The following QKI variants were observed in gnomAD, a reference collection of about 807,000 sequenced individuals.
QKI encodes KH domain-containing RNA-binding protein QKI.
A neutral mutation model predicts 39.0 loss-of-function variants in QKI; 10 were observed. The observed-to-expected ratio is 0.26, with a 90% CI of 0.16 to 0.43. QKI has a LOEUF of 0.43. Ranked by LOEUF, QKI falls within the 20% of genes least tolerant of loss-of-function variation. The probability of loss-of-function intolerance (pLI) is 1.00; values close to 1 mark genes in which losing one functional copy is unlikely to be tolerated. For synonymous variants in QKI, 204 were observed against 155.4 expected (o/e 1.31, Z -2.33); for missense variants, 218 against 428.0 (o/e 0.51, Z 4.33).
intron 1 of QKI, among the ~76,000 whole-genome samples, chr6:163,435,612 T>TTA (rs1789201448): frequency 6.6e-6 from 1 of 152,212 alleles, no homozygotes; most frequent in Admixed American, 6.5e-5. Flanking sequence ...ATTAAAGCCT[T>TTA]TAGCACATGC....
At chr6:163,495,444 G>A (rs965940714) in intron 3 of QKI, among the ~76,000 whole-genome samples, 9 of 152,040 alleles carry the variant, frequency 5.9e-5, no homozygotes, top group East Asian at 3.9e-4. Flanking sequence ...AATTATTACC[G>A]TTTGCTGAAT....
At chr6:163,465,783 A>G (rs1000941917) in intron 2 of QKI, among the ~76,000 whole-genome samples, 4 of 152,150 alleles carry the variant, frequency 2.6e-5, no homozygotes, top group African/African-American at 9.7e-5. Flanking sequence ...AAATCAACAT[A>G]CAAAAATCAG....
chr6:163,548,196 G>A (rs1410521385), intron 4 of QKI, among the ~76,000 whole-genome samples: 1 of 152,094 alleles, frequency 6.6e-6, no homozygotes, highest in Non-Finnish European at 1.5e-5. Flanking sequence ...TTATCCCCTT[G>A]CCCCTGACTG....
intron 3 of QKI, among the ~76,000 whole-genome samples, chr6:163,494,753 T>C (rs1330023257): frequency 1.3e-5 from 2 of 151,978 alleles, no homozygotes; most frequent in African/African-American, 4.8e-5. Flanking sequence ...AGCATAGTGC[T>C]GAGGTGGTGT....
chr6:163,452,766 T>G (rs929453030), intron 1 of QKI, among the ~76,000 whole-genome samples: 37 of 152,208 alleles, frequency 2.4e-4, no homozygotes, highest in African/African-American at 8.4e-4. Context: ...TTGCTCTTGT[T>G]GCCCGGGCTG....
At chr6:163,472,070 G>T (rs1792235663) in intron 2 of QKI, among the ~76,000 whole-genome samples, 1 of 152,034 alleles carries the variant, frequency 6.6e-6, no homozygotes, top group Non-Finnish European at 1.5e-5. Context: ...GACTCCCTTT[G>T]CGGTAAAAAA....
chr6:163,461,785 T>G (rs2128220878), intron 2 of QKI, among the ~76,000 whole-genome samples: 1 of 152,256 alleles, frequency 6.6e-6, no homozygotes, highest in South Asian at 2.1e-4. Flanking sequence ...GAGCAGTGTC[T>G]CCGGGAGTAA....
chr6:163,552,922 T>C (rs1243891570), intron 4 of QKI, among the ~76,000 whole-genome samples: 1 of 151,836 alleles, frequency 6.6e-6, no homozygotes, highest in Non-Finnish European at 1.5e-5. Context: ...TCTTTTAGGT[T>C]CTGCCCACCT....
chr6:163,529,382 T>C (rs892334010), intron 3 of QKI, among the ~76,000 whole-genome samples: 4 of 152,164 alleles, frequency 2.6e-5, no homozygotes, highest in Non-Finnish European at 1.5e-5. Context: ...TAAATACTTG[T>C]TTAGAGCCAG....
intron 2 of QKI, among the ~76,000 whole-genome samples, chr6:163,476,878 T>C (rs761217342): frequency 6.6e-6 from 1 of 152,204 alleles, no homozygotes; most frequent in Non-Finnish European, 1.5e-5. Flanking sequence ...TTACTGGACC[T>C]TGTGTATGTA....
In QKI at chr6:163,416,992, T is replaced by G. The variant is rs569062584; in HGVS notation, c.142+1657T>G. Among the ~76,000 whole-genome samples, 57 of 152,344 alleles carry G rather than the reference T, an allele frequency of 3.7e-4. 1 individual carries two copies. In the South Asian group the frequency reaches 0.012, roughly 31 times the overall value. On this transcript the variant is annotated intron_variant, in intron 1 of 7. Coordinates refer to ENST00000361752, the MANE Select transcript of QKI (RefSeq NM_006775.3). ...AGCGCTAAGGGGCGCCAGTTATTTT[T>G]TAACCATGGAAATGGTTGGAACAAA...
In QKI at chr6:163,537,597, A is replaced by G. The variant is rs76882066; in HGVS notation, c.546+2472A>G. On this transcript the variant is annotated intron_variant, in intron 4 of 7. Transcript: ENST00000361752. ...GCCCAGTTACCCTGTAGATTAACAG[A>G]AATTGCCAGTCTTTTGGTTTGGAAT... 7.1e-3 allele frequency among the ~76,000 whole-genome samples: 1,079 copies of G among 152,354 alleles called. 24 individuals carry two copies. Among genetic ancestry groups the G allele is most frequent in the African/African-American group, 0.025 (1,022 of 41,574 alleles).
At chr6:163,442,131 C>G (rs1308332276) in intron 1 of QKI, among the ~76,000 whole-genome samples, 1 of 152,086 alleles carries the variant, frequency 6.6e-6, no homozygotes, top group Admixed American at 6.5e-5. Flanking sequence ...AGATTGAATT[C>G]AAGAGAAGAG....
At chr6:163,435,724 C>T (rs555138906) in intron 1 of QKI, among the ~76,000 whole-genome samples, 2 of 151,880 alleles carry the variant, frequency 1.3e-5, no homozygotes, top group African/African-American at 4.8e-5. Flanking sequence ...AGTCATATGC[C>T]GTGTATTTCA....
At chr6:163,464,158 G>T (rs1431999266) in intron 2 of QKI, among the ~76,000 whole-genome samples, 2 of 152,076 alleles carry the variant, frequency 1.3e-5, no homozygotes, top group Non-Finnish European at 2.9e-5. Context: ...TCAGGAACTC[G>T]CTCTTAGTCT....
intron 1 of QKI, 38 bp downstream of exon 1, chr6:163,415,373 CG>C: frequency 6.6e-7 from 1 of 1,505,072 alleles, no homozygotes; most frequent in Non-Finnish European, 9.0e-7. Flanking sequence ...GCCCGACCCC[CG>C]CCGGGGCGGC....
At chr6:163,518,268 A>G (rs1779952467) in intron 3 of QKI, among the ~76,000 whole-genome samples, 1 of 152,192 alleles carries the variant, frequency 6.6e-6, no homozygotes, top group Non-Finnish European at 1.5e-5. Context: ...ACAGACTTCA[A>G]AAAAATTTTT....
At chr6:163,564,586 A>G in intron 6 of QKI, 1 of 1,602,364 alleles carries the variant, frequency 6.2e-7, no homozygotes, top group Non-Finnish European at 8.5e-7. Flanking sequence ...AGAAATTAAA[A>G]TCATAATATA....
At chr6:163,539,317 T>C (rs1056642752) in intron 4 of QKI, among the ~76,000 whole-genome samples, 2 of 151,930 alleles carry the variant, frequency 1.3e-5, no homozygotes, top group Admixed American at 1.3e-4. Context: ...GTCAATTTGT[T>C]TTTTTTGGAA....
Sources: gnomAD v4.1 joint callset for allele counts (sites outside exome capture counted in the v4.1 genomes callset) on GRCh38, gnomAD v4.1.1 for gene constraint, MANE v1.5 for transcripts, NCBI Gene and HGNC (gene_info 2026-07-23, HGNC 2026-07-21) for gene names.